The following SOX5 variants were observed in gnomAD, a reference collection of about 807,000 sequenced individuals.
SOX5 encodes the protein transcription factor SOX-5.
Under a neutral mutation model 92.0 loss-of-function variants are expected in SOX5, and 9 were observed. The observed-to-expected ratio is 0.10, with a 90% CI of 0.06 to 0.17. The LOEUF (loss-of-function observed/expected upper bound fraction) is 0.17, where lower values mean the gene tolerates loss of function less well. Among genes scored for constraint, SOX5 ranks in the 10% least tolerant of loss-of-function variants. SOX5 has a pLI of 1.00. For synonymous variants in SOX5, 344 were observed against 336.3 expected (o/e 1.02, Z -0.25); for missense variants, 642 against 944.5 (o/e 0.68, Z 4.20).
rs768157437 is a variant in SOX5, at chr12:24,355,282, C to CT, written c.-174+13280dup. ...TTAGCAGGTGTGGTGAGGGGTGCAT[C>CT]TTTTTTTTTTTTTTTTTTTTTTTTT... On this transcript the variant is annotated intron_variant, in intron 2 of 4. Coordinates refer to the SOX5 transcript ENST00000446891. Among the ~76,000 whole-genome samples the CT allele has an allele frequency of 6.6e-3, 477 of 71,902 alleles. 58 individuals are homozygous for CT. The highest frequency in any genetic ancestry group is 8.5e-3 in the African/African-American group (116 of 13,604). The allele number at this position is 71,902 out of a possible 152,430, so 47.2% of individuals were successfully genotyped here.
chr12:24,438,814 G>T (rs1248094957), intron 1 of SOX5, among the ~76,000 whole-genome samples: 1 of 152,198 alleles, frequency 6.6e-6, no homozygotes, highest in African/African-American at 2.4e-5. Flanking sequence ...AACAAACAAA[G>T]AGGTTTCTTA....
At chr12:23,669,093 T>C (rs1006229154) in intron 6 of SOX5, among the ~76,000 whole-genome samples, 2 of 152,150 alleles carry the variant, frequency 1.3e-5, no homozygotes, top group African/African-American at 4.8e-5. Context: ...CAGTCTGTGG[T>C]AACTAGGGAT....
chr12:23,965,975 C>T (rs920275172), intron 4 of SOX5, among the ~76,000 whole-genome samples: 1 of 152,136 alleles, frequency 6.6e-6, no homozygotes, highest in Non-Finnish European at 1.5e-5. Flanking sequence ...TTGTCCAGAG[C>T]ACAATGATCT....
chr12:24,470,561 T>TG (rs1306827329), intron 1 of SOX5, among the ~76,000 whole-genome samples: 1 of 61,540 alleles, frequency 1.6e-5, no homozygotes, highest in Non-Finnish European at 3.2e-5. Context: ...AGAAAGGGGC[T>TG]GGGGGGTGGG....
At chr12:23,804,915 TTATATATATATATATATATATA>T (rs528741802) in intron 3 of SOX5, among the ~76,000 whole-genome samples, 18,485 of 75,210 alleles carry the variant, frequency 0.25, 2,479 homozygotes, top group East Asian at 0.46. Context: ...TATCATTGTT[TTATATATATATATATATATATA>T]TATATATATA....
intron 6 of SOX5, among the ~76,000 whole-genome samples, chr12:23,726,326 C>G (rs538821465): frequency 7.2e-5 from 11 of 152,234 alleles, no homozygotes; most frequent in African/African-American, 2.4e-4. Flanking sequence ...CGTAACTGTG[C>G]TCTTCATAGA....
At chr12:23,967,379 T>C (rs183491513) in intron 4 of SOX5, among the ~76,000 whole-genome samples, 73 of 152,164 alleles carry the variant, frequency 4.8e-4, no homozygotes, top group Non-Finnish European at 8.5e-4. Context: ...ATAGAAAATA[T>C]AAAAAGTAAC....
chr12:24,070,475 CA>C (rs1941589474), intron 4 of SOX5, among the ~76,000 whole-genome samples: 2 of 151,994 alleles, frequency 1.3e-5, no homozygotes, highest in Non-Finnish European at 2.9e-5. Flanking sequence ...CAAACTGAAA[CA>C]ATGGGGGTGG....
intron 11 of SOX5, among the ~76,000 whole-genome samples, chr12:23,552,747 G>A (rs1944439720): frequency 6.6e-6 from 1 of 151,912 alleles, no homozygotes; most frequent in Admixed American, 6.6e-5. Flanking sequence ...CAGGATGGAA[G>A]AAGTTTCCAC....
At chr12:23,704,405 A>G (rs369915745) in intron 6 of SOX5, among the ~76,000 whole-genome samples, 3 of 151,920 alleles carry the variant, frequency 2.0e-5, no homozygotes, top group South Asian at 4.1e-4. Context: ...TCAATTATGT[A>G]TAAATGTTTT....
At chr12:24,209,957 G>A (rs1289680950) in intron 4 of SOX5, among the ~76,000 whole-genome samples, 1 of 122,478 alleles carries the variant, frequency 8.2e-6, no homozygotes, top group East Asian at 2.5e-4. Context: ...GGCGGAGCTT[G>A]CAGTGAGCCG....
chr12:24,457,262 A>C (rs1190452940), intron 1 of SOX5, among the ~76,000 whole-genome samples: 1 of 152,214 alleles, frequency 6.6e-6, no homozygotes, highest in Non-Finnish European at 1.5e-5. Context: ...GAAAAACCTA[A>C]TAATGTCAAT....
At chr12:24,033,594 T>C (rs1196890527) in intron 4 of SOX5, among the ~76,000 whole-genome samples, 1 of 152,034 alleles carries the variant, frequency 6.6e-6, no homozygotes, top group Non-Finnish European at 1.5e-5. Context: ...TCTAAAGCAA[T>C]CTACATCTAC....
rs748965275 is a variant in SOX5, at chr12:23,534,453, C to T, written c.2058G>A (p.Met686Ile). 5.0e-6 allele frequency: 8 copies of T among 1,613,912 alleles called. No individual in the cohort carries two copies. The highest frequency in any genetic ancestry group is 5.9e-6 in the Non-Finnish European group (7 of 1,179,992). The change falls in exon 15 of 15, where the codon ATG (methionine) becomes ATA (isoleucine). Residue 686 changes from methionine (M) to isoleucine (I), a missense_variant. Met to Ile is a conservative substitution (Grantham distance 10, BLOSUM62 1). Around this residue, in one of 8 missense-constraint regions of SOX5, gnomAD observed 130 missense variants for 140.6 expected, o/e 0.92. Coordinates refer to ENST00000451604, the MANE Select transcript of SOX5 (RefSeq NM_006940.6). Reference sequence around the variant, plus strand: ...GCTCCGAGGGCAGGTGAGGGGAGGGCATCCCAGCCATGGCGATGGCTCCAG... The same window carrying T: ...GCTCCGAGGGCAGGTGAGGGGAGGGTATCCCAGCCATGGCGATGGCTCCAG... ...VYPGAIAMAG[M>I]PSPHLPSEHS...
chr12:23,993,302 T>A (rs772814129), intron 4 of SOX5, among the ~76,000 whole-genome samples: 1 of 152,146 alleles, frequency 6.6e-6, no homozygotes, highest in Admixed American at 6.6e-5. Context: ...ATAAGCCATA[T>A]TAAAGAACAG....
Position 24,266,759 on chromosome 12 carries a change from G to A in SOX5, c.-77+10457C>T, listed in dbSNP as rs942872549. Among the ~76,000 whole-genome samples, 9 of 152,024 alleles carry A rather than the reference G, an allele frequency of 5.9e-5. No homozygotes were observed. In the South Asian group the frequency reaches 6.2e-4, roughly 11 times the overall value. Reference sequence around the variant, plus strand: ...CAAAAATGGCAATTTAGGTTGTTCCGCCTAATGTACTGCAAATATATTTCT... The same window carrying A: ...CAAAAATGGCAATTTAGGTTGTTCCACCTAATGTACTGCAAATATATTTCT... On this transcript the variant is annotated intron_variant, in intron 3 of 4. Transcript: ENST00000446891.
At chr12:23,963,980 C>A (rs895981331) in intron 4 of SOX5, among the ~76,000 whole-genome samples, 1 of 151,476 alleles carries the variant, frequency 6.6e-6, no homozygotes, top group African/African-American at 2.4e-5. Context: ...CAAACTAAAC[C>A]AACCAACCAA....
chr12:23,949,111 T>C (rs566870059), intron 1 of SOX5, among the ~76,000 whole-genome samples: 1 of 152,272 alleles, frequency 6.6e-6, no homozygotes, highest in South Asian at 2.1e-4. Context: ...AAGGATCAAA[T>C]AGGAACTTAT....
At chr12:24,529,888 C>T (rs566305899) in intron 1 of SOX5, among the ~76,000 whole-genome samples, 4 of 152,042 alleles carry the variant, frequency 2.6e-5, no homozygotes, top group Admixed American at 6.5e-5. Context: ...GGCGTGGTGG[C>T]GGGCGCCTGT....
Sources: allele counts gnomAD v4.1 joint callset (sites outside exome capture counted in the v4.1 genomes callset), GRCh38; gene constraint gnomAD v4.1.1; regional missense constraint gnomAD v4.1.1; transcripts MANE v1.5; gene names NCBI Gene and HGNC (gene_info 2026-07-23, HGNC 2026-07-21).